PLCG2: variants seen among roughly 807,000 people sequenced by gnomAD.
The protein encoded by PLCG2 is phospholipase C gamma 2.
In PLCG2, 69 loss-of-function variants were observed where a neutral mutation model predicts 175.6. The observed-to-expected ratio is 0.39, with a 90% confidence interval of 0.32 to 0.48. The LOEUF is 0.48. Ranked by LOEUF, PLCG2 falls within the 20% of genes least tolerant of loss-of-function variation. The pLI is 0.91. For synonymous variants in PLCG2, 827 were observed against 624.0 expected, an observed-to-expected ratio of 1.33 and a Z score of -4.85; for missense variants, 1,798 against 1,650.9, an observed-to-expected ratio of 1.09 and a Z score of -1.54.
intron 2 of PLCG2, among the ~76,000 whole-genome samples, chr16:81,811,388 G>C (rs1456107443): frequency 1.3e-5 from 2 of 152,182 alleles, no homozygotes; most frequent in Non-Finnish European, 2.9e-5. Context: ...GGACTCAAAA[G>C]GGAAGGCCAT....
rs1911737624 is a variant in PLCG2 at position 81,960,359 on chromosome 16, TAACA to T, written c.*2362_*2365del. On this transcript the variant is annotated 3_prime_UTR_variant, in exon 33 of 33. Coordinates refer to ENST00000564138, the MANE Select transcript of PLCG2 (RefSeq NM_002661.5). ...AGCCAATCCAGGCCAAGAAGACTAG[TAACA>T]GGCACATTCTGAAAGATGGAAGCAG... 4.5e-6 allele frequency: 1 copy of T among 220,276 alleles called. No individual in the cohort carries two copies. Among genetic ancestry groups the T allele is most frequent in the Admixed American group, 5.8e-5 (1 of 17,314 alleles). 13.6% of individuals were successfully genotyped at this position (220,276 alleles called of 1,614,324 possible). A position where few individuals can be genotyped will look rare whatever the true frequency, so the allele number is the denominator to read the frequency against.
At chr16:81,932,955 G>A (rs970752906) in intron 25 of PLCG2, among the ~76,000 whole-genome samples, 1 of 152,224 alleles carries the variant, frequency 6.6e-6, no homozygotes. Flanking sequence ...TGAGGCACAG[G>A]GAGGTGCCAC....
At chr16:81,907,618 G>T (rs1272415797) in intron 15 of PLCG2, 67 bp from the exon 16 acceptor site, 3 of 1,113,958 alleles carry the variant, frequency 2.7e-6, no homozygotes, top group Non-Finnish European at 4.1e-6. Context: ...GCCCTGCAGG[G>T]CTCCTGGGCT....
At chr16:81,881,286 A>G (rs1908068262) in intron 8 of PLCG2, among the ~76,000 whole-genome samples, 1 of 152,220 alleles carries the variant, frequency 6.6e-6, no homozygotes, top group South Asian at 2.1e-4. Context: ...TAATGATCAA[A>G]TAAGTGAAAA....
intron 22 of PLCG2, among the ~76,000 whole-genome samples, chr16:81,924,693 C>A (rs7192724): frequency 6.6e-6 from 1 of 152,110 alleles, no homozygotes; most frequent in Non-Finnish European, 1.5e-5. Context: ...CATTGCAAAC[C>A]AATTCATACC....
At chr16:81,948,481 C>A (rs962489868) in intron 31 of PLCG2, among the ~76,000 whole-genome samples, 6 of 152,172 alleles carry the variant, frequency 3.9e-5, no homozygotes, top group African/African-American at 1.4e-4. Flanking sequence ...AGGAGCTAAC[C>A]TGCAAGGGGT....
rs1252112041 is a variant in PLCG2 at position 81,946,547 on chromosome 16, G to T, written c.3570+284G>T. Among the ~76,000 whole-genome samples, 5 of 152,090 alleles carry T rather than the reference G, an allele frequency of 3.3e-5. No individual in the cohort carries two copies. The East Asian group carries it at 5.8e-4, about 18-fold the overall frequency. On this transcript the variant is annotated intron_variant, in intron 31 of 32. Coordinates refer to ENST00000564138, the MANE Select transcript of PLCG2 (RefSeq NM_002661.5). Reference sequence around the variant, plus strand: ...TCCCCATAGTTTCACTTCAGCAAGAGCCAGGCCAGATGATGCCTTCCTAGA... The same window carrying T: ...TCCCCATAGTTTCACTTCAGCAAGATCCAGGCCAGATGATGCCTTCCTAGA...
chr16:81,878,012 C>G (rs561027377), intron 7 of PLCG2, among the ~76,000 whole-genome samples: 1 of 109,618 alleles, frequency 9.1e-6, no homozygotes, highest in East Asian at 3.2e-4. Context: ...GAGGGAGTCT[C>G]GCTCTGTCAC....
At chr16:81,743,210 G>A (rs11859935) in intron 1 of PLCG2, among the ~76,000 whole-genome samples, 45,359 of 152,060 alleles carry the variant, frequency 0.3, 7,646 homozygotes, top group East Asian at 0.67. Flanking sequence ...AGATAGCTGG[G>A]CATGGTGGTG....
At chr16:81,806,805 G>A (rs766786404) in intron 2 of PLCG2, among the ~76,000 whole-genome samples, 1 of 151,578 alleles carries the variant, frequency 6.6e-6, no homozygotes, top group Non-Finnish European at 1.5e-5. Flanking sequence ...GTGTTTTGAG[G>A]GCTTCAGGAA....
intron 26 of PLCG2, among the ~76,000 whole-genome samples, chr16:81,935,384 C>T (rs776563397): frequency 6.6e-6 from 1 of 151,920 alleles, no homozygotes; most frequent in Non-Finnish European, 1.5e-5. Context: ...GTGACATGCA[C>T]AGGCTCCAGA....
intron 17 of PLCG2, 68 bp downstream of exon 17, chr16:81,908,659 T>C: frequency 7.1e-7 from 1 of 1,402,504 alleles, no homozygotes; most frequent in Non-Finnish European, 9.7e-7. Flanking sequence ...GGGTGGCGAG[T>C]GGTTCTAGCT....
chr16:81,871,713 A>G (rs1907524929), intron 7 of PLCG2, among the ~76,000 whole-genome samples: 2 of 152,132 alleles, frequency 1.3e-5, no homozygotes, highest in African/African-American at 4.8e-5. Context: ...AAAAATTAAG[A>G]GGGTGTATGT....
intron 30 of PLCG2, among the ~76,000 whole-genome samples, chr16:81,941,667 C>T (rs1910945688): frequency 6.6e-6 from 1 of 151,394 alleles, no homozygotes; most frequent in Admixed American, 6.6e-5. Context: ...ATTTGGCAAC[C>T]CTTCTGGGTT....
At chr16:81,948,686 G>A (rs34457613) in intron 31 of PLCG2, among the ~76,000 whole-genome samples, 76,088 of 152,058 alleles carry the variant, frequency 0.5, 23,095 homozygotes, top group South Asian at 0.67. Flanking sequence ...CCTTACACCT[G>A]GGGAGACCTG....
intron 2 of PLCG2, chr16:81,798,965 G>T (rs1015892020): frequency 6.6e-6 from 1 of 152,396 alleles, no homozygotes; most frequent in Non-Finnish European, 1.5e-5. Context: ...CCACCAGTGG[G>T]AAAAGCCCCT....
chr16:81,870,962 A>G, intron 7 of PLCG2, 27 bp downstream of exon 7: 3 of 1,248,274 alleles, frequency 2.4e-6, no homozygotes, highest in Non-Finnish European at 3.5e-6. Context: ...GCAAGTGATC[A>G]AGTGATGTTT....
intron 20 of PLCG2, among the ~76,000 whole-genome samples, chr16:81,920,354 A>G (rs1910011225): frequency 6.6e-6 from 1 of 152,194 alleles, no homozygotes; most frequent in South Asian, 2.1e-4. Flanking sequence ...AGATACTAGG[A>G]GTACTGTGGA....
At chr16:81,810,942 G>A (rs1237833642) in intron 2 of PLCG2, among the ~76,000 whole-genome samples, 1 of 152,204 alleles carries the variant, frequency 6.6e-6, no homozygotes, top group Admixed American at 6.5e-5. Flanking sequence ...CACCAAGGGA[G>A]GTTATGCACC....
Sources: gnomAD v4.1 joint callset for allele counts (sites outside exome capture counted in the v4.1 genomes callset) on GRCh38, gnomAD v4.1.1 for gene constraint, MANE v1.5 for transcripts, NCBI Gene and HGNC (gene_info 2026-07-23, HGNC 2026-07-21) for gene names.